Variants in ZBBX observed in about 807,000 individuals in gnomAD.
ZBBX encodes the protein zinc finger B-box domain-containing protein 1.
Under a neutral mutation model 108.5 loss-of-function variants are expected in ZBBX, and 101 were observed. That is an observed-to-expected ratio of 0.93 (90% confidence interval 0.79 to 1.10). The LOEUF is 1.10. Among genes scored for constraint, ZBBX ranks in the 50% least tolerant of loss-of-function variants. ZBBX has a pLI of 0.00. For missense variants in ZBBX, 1,009 were observed against 941.4 expected, an observed-to-expected ratio of 1.07 and a Z score of -0.94; for synonymous variants, 356 against 323.4, an observed-to-expected ratio of 1.10 and a Z score of -1.08.
At chr3:167,288,088 C>A (rs1730027112) in intron 19 of ZBBX, among the ~76,000 whole-genome samples, 1 of 152,054 alleles carries the variant, frequency 6.6e-6, no homozygotes, top group Non-Finnish European at 1.5e-5. Flanking sequence ...TCTCTTTTAT[C>A]CTCGGGGCCA....
chr3:167,240,597 G>A lies in ZBBX; in HGVS notation c.*196C>T. On this transcript the variant is annotated 3_prime_UTR_variant, in exon 22 of 22. Coordinates refer to ENST00000675490, the MANE Select transcript of ZBBX (RefSeq NM_001199201.2). Reference sequence around the variant, plus strand: ...ACATAATCTGCAATATAGATTAGTGGTTGACATATAATATATCATTGGAAG... The same window carrying A: ...ACATAATCTGCAATATAGATTAGTGATTGACATATAATATATCATTGGAAG... 2.0e-6 allele frequency: 1 copy of A among 488,266 alleles called. No homozygotes were observed. Among genetic ancestry groups the A allele is most frequent in the Non-Finnish European group, 3.5e-6 (1 of 282,682 alleles). The allele number at this position is 488,266 out of a possible 1,614,324, so 30.2% of individuals were successfully genotyped here.
At chr3:167,220,148 C>T in the ZBBX span, among the ~76,000 whole-genome samples, 1 of 151,844 alleles carries the variant, frequency 6.6e-6, no homozygotes, top group Non-Finnish European at 1.5e-5. Flanking sequence ...CTGAATTTTA[C>T]CAAACATTTA....
intron 1 of ZBBX, among the ~76,000 whole-genome samples, chr3:167,390,610 T>C (rs1297382722): frequency 1.3e-5 from 2 of 152,116 alleles, no homozygotes; most frequent in East Asian, 3.9e-4. Context: ...ATATTGATTC[T>C]TCCTATCCAT....
the ZBBX span, among the ~76,000 whole-genome samples, chr3:167,206,283 T>C: frequency 1.3e-5 from 2 of 152,062 alleles, no homozygotes; most frequent in African/African-American, 4.8e-5. Flanking sequence ...TATCCTCCAG[T>C]TTCATCCATG....
Position 167,240,918 on chromosome 3 carries a change from A to G in ZBBX, c.2395T>C (p.Cys799Arg). Reference sequence around the variant, plus strand: ...TGAATTTTGGTATCTCTTCCAGAACAGCTGAAAATACATAACAAGATCAAT... The same window carrying G: ...TGAATTTTGGTATCTCTTCCAGAACGGCTGAAAATACATAACAAGATCAAT... ...RGPCGVEELS[C>R]SGRDTKIQSL... The change falls in exon 22 of 22, where the codon TGT becomes CGT. Residue 799 changes from cysteine to arginine, a missense_variant and splice_region_variant. Physicochemically the swap from Cys to Arg is radical, Grantham distance 180 (BLOSUM62 -3). Coordinates refer to ENST00000675490, the MANE Select transcript of ZBBX (RefSeq NM_001199201.2). The G allele has an allele frequency of 6.2e-7, 1 of 1,612,750 alleles. No individual in the cohort carries two copies. The highest frequency in any genetic ancestry group is 8.5e-7 in the Non-Finnish European group (1 of 1,179,192).
intron 19 of ZBBX, among the ~76,000 whole-genome samples, chr3:167,288,204 T>C (rs1730053125): frequency 6.6e-6 from 1 of 152,192 alleles, no homozygotes; most frequent in Non-Finnish European, 1.5e-5. Flanking sequence ...ATAGCTGGTA[T>C]AATGGGATAA....
intron 20 of ZBBX, among the ~76,000 whole-genome samples, chr3:167,263,608 T>A (rs1724962902): frequency 6.6e-6 from 1 of 152,252 alleles, no homozygotes; most frequent in Non-Finnish European, 1.5e-5. Context: ...AATTTTTGGA[T>A]ATTTTATGAC....
the ZBBX span, among the ~76,000 whole-genome samples, chr3:167,227,351 T>C: frequency 6.6e-6 from 1 of 151,668 alleles, no homozygotes; most frequent in African/African-American, 2.4e-5. Flanking sequence ...ATTTACCTAA[T>C]TCTGAATAAG....
chr3:167,298,534 T>A, intron 17 of ZBBX, 76 bp from the exon 18 acceptor site: 39 of 1,100,862 alleles, frequency 3.5e-5, no homozygotes, highest in South Asian at 4.8e-5. Flanking sequence ...ATCAGATACC[T>A]ACTTGGTATC....
chr3:167,184,946 T>C, the ZBBX span, among the ~76,000 whole-genome samples: 2 of 152,332 alleles, frequency 1.3e-5, no homozygotes, highest in South Asian at 2.1e-4. Flanking sequence ...TGTAGCTTCA[T>C]AAAATGTTAC....
chr3:167,222,928 C>T, the ZBBX span, among the ~76,000 whole-genome samples: 1 of 151,790 alleles, frequency 6.6e-6, no homozygotes, highest in Non-Finnish European at 1.5e-5. Context: ...TTCAAAATAG[C>T]TACAAGACTT....
At chr3:167,404,244 G>A (rs1748513391) in intron 1 of ZBBX, among the ~76,000 whole-genome samples, 1 of 152,138 alleles carries the variant, frequency 6.6e-6, no homozygotes, top group Admixed American at 6.5e-5. Context: ...ATTTCTAAGT[G>A]TGCATGCTAC....
intron 17 of ZBBX, among the ~76,000 whole-genome samples, chr3:167,301,256 T>G (rs1007507672): frequency 6.6e-6 from 1 of 152,224 alleles, no homozygotes; most frequent in African/African-American, 2.4e-5. Flanking sequence ...ATTGGTGCTA[T>G]GTAAGTCACA....
chr3:167,371,030 T>C (rs952073137), intron 4 of ZBBX, among the ~76,000 whole-genome samples: 2 of 151,970 alleles, frequency 1.3e-5, no homozygotes, highest in African/African-American at 4.8e-5. Flanking sequence ...TGTCAGACAA[T>C]GTAAAGGCAA....
At chr3:167,279,378 T>G (rs1728329974) in intron 20 of ZBBX, among the ~76,000 whole-genome samples, 1 of 151,996 alleles carries the variant, frequency 6.6e-6, no homozygotes, top group Admixed American at 6.6e-5. Flanking sequence ...CTCCTTAAGC[T>G]GATAAGCAAC....
At chr3:167,354,171 C>A (rs1450618618) in intron 8 of ZBBX, among the ~76,000 whole-genome samples, 5 of 151,682 alleles carry the variant, frequency 3.3e-5, no homozygotes, top group African/African-American at 9.7e-5. Flanking sequence ...TTTTTTTTAA[C>A]CTTCATGATC....
At chr3:167,214,745 A>T in the ZBBX span, among the ~76,000 whole-genome samples, 3 of 152,108 alleles carry the variant, frequency 2.0e-5, no homozygotes, top group Non-Finnish European at 4.4e-5. Context: ...TGGACATAAA[A>T]AAATCCTCAG....
chr3:167,222,873 A>G, the ZBBX span, among the ~76,000 whole-genome samples: 2,027 of 152,050 alleles, frequency 0.013, 22 homozygotes, highest in South Asian at 0.026. Flanking sequence ...CCAATGTTTT[A>G]TAGCACTGTA....
At chr3:167,343,486 G>T (rs1398899026) in intron 9 of ZBBX, among the ~76,000 whole-genome samples, 1 of 151,678 alleles carries the variant, frequency 6.6e-6, no homozygotes, top group Non-Finnish European at 1.5e-5. Context: ...CTTAGAACTG[G>T]CATCTAAAAG....
Sources: allele counts gnomAD v4.1 joint callset (sites outside exome capture counted in the v4.1 genomes callset), GRCh38; gene constraint gnomAD v4.1.1; transcripts MANE v1.5; gene names NCBI Gene and HGNC (gene_info 2026-07-23, HGNC 2026-07-21).